CCNB3: variants seen among roughly 807,000 people sequenced by gnomAD.
CCNB3 encodes the protein G2/mitotic-specific cyclin-B3.
Under a neutral mutation model 68.0 loss-of-function variants are expected in CCNB3, and 12 were observed. That is an observed-to-expected ratio of 0.18 (90% CI 0.11 to 0.29). CCNB3 has a LOEUF of 0.29. Ranked by LOEUF, CCNB3 falls within the 10% of genes least tolerant of loss-of-function variation. The pLI, the probability that CCNB3 is intolerant of heterozygous loss-of-function variation, is 1.00. For synonymous variants in CCNB3, 354 were observed against 388.9 expected (o/e 0.91, Z 1.06); for missense variants, 904 against 993.1 (o/e 0.91, Z 1.21).
At chrX:50,226,329 A>AAT (rs1328211936) in intron 1 of CCNB3, among the ~76,000 whole-genome samples, 1 of 50,158 alleles carries the variant, frequency 2.0e-5, no homozygotes, top group African/African-American at 8.0e-5. Flanking sequence ...TATATATAGA[A>AAT]ATATATATAT....
At chrX:50,317,062 G>A (rs912381212) in intron 8 of CCNB3, among the ~76,000 whole-genome samples, 3 of 112,619 alleles carry the variant, frequency 2.7e-5, no homozygotes, top group African/African-American at 6.5e-5. Flanking sequence ...ATGCATGAGA[G>A]TTCTGGTTGC....
chrX:50,326,090 T>C (rs1405976049), intron 8 of CCNB3, among the ~76,000 whole-genome samples: 3 of 111,850 alleles, frequency 2.7e-5, no homozygotes, highest in Non-Finnish European at 5.6e-5. Context: ...CATATAAGTA[T>C]AGATCTATGA....
intron 1 of CCNB3, among the ~76,000 whole-genome samples, chrX:50,223,766 G>C (rs1935710791): frequency 8.9e-6 from 1 of 112,240 alleles, no homozygotes; most frequent in East Asian, 2.8e-4. Context: ...TGAGGAGGCA[G>C]TTTGTCCCTT....
chrX:50,310,678 C>T lies in CCNB3; in HGVS notation c.2509C>T (p.Pro837Ser). Residue 837 changes from proline (P) to serine (S), a missense_variant, in exon 6 of 13, where the codon CCC becomes TCC. Transcript: ENST00000376042. ...FKEPLALQEE[P>S]STEKEAVLKE... ...GGAACCTTTGGCCTTGCAGGAGGAGCCCAGCACTGAGAAGGAGGCTGTCCT... is the reference window on the plus strand; with the variant it reads ...GGAACCTTTGGCCTTGCAGGAGGAGTCCAGCACTGAGAAGGAGGCTGTCCT... The T allele has an allele frequency of 8.3e-7, 1 of 1,210,902 alleles. No individual in the cohort carries two copies.
intron 1 of CCNB3, among the ~76,000 whole-genome samples, chrX:50,217,347 C>T (rs1394763806): frequency 1.0e-5 from 1 of 97,860 alleles, no homozygotes; most frequent in African/African-American, 3.7e-5. Flanking sequence ...AATCTCGGCT[C>T]ACTGCAACCT....
At chrX:50,316,728 C>G (rs1216195931) in intron 8 of CCNB3, among the ~76,000 whole-genome samples, 1 of 112,224 alleles carries the variant, frequency 8.9e-6, no homozygotes, top group African/African-American at 3.2e-5. Context: ...AGACTGGCTT[C>G]TTTCATTCAG....
chrX:50,350,199 C>T (rs1426187747), intron 11 of CCNB3, among the ~76,000 whole-genome samples: 11 of 109,723 alleles, frequency 1.0e-4, no homozygotes, highest in Admixed American at 3.9e-4. Flanking sequence ...TGTTTGGATA[C>T]TTACTATGTT....
Position 50,227,196 on chromosome X carries a change from A to G in CCNB3, c.-113+22246A>G, listed in dbSNP as rs1445022244. Among the ~76,000 whole-genome samples the G allele has an allele frequency of 8.3e-3, 688 of 82,820 alleles. 13 individuals carry two copies. The highest frequency in any genetic ancestry group is 0.032 in the African/African-American group (666 of 21,068). The allele number at this position is 82,820 out of a possible 115,157, so 71.9% of individuals were successfully genotyped here. A position where few individuals can be genotyped will look rare whatever the true frequency, so the allele number is the denominator to read the frequency against. On this transcript the variant is annotated intron_variant, in intron 1 of 12. Coordinates refer to ENST00000376042, the MANE Select transcript of CCNB3 (RefSeq NM_033031.3). ...ATAGAATATAAGTATAAATATATAT[A>G]GAGAATATATATAAATATATACAGA...
At chrX:50,320,944 A>T (rs1322621324) in intron 8 of CCNB3, among the ~76,000 whole-genome samples, 1 of 111,704 alleles carries the variant, frequency 9.0e-6, no homozygotes, top group Non-Finnish European at 1.9e-5. Context: ...TATTTGCAGT[A>T]TGGTATTTCT....
At chrX:50,345,897 A>G (rs782171985) in intron 9 of CCNB3, among the ~76,000 whole-genome samples, 1 of 112,441 alleles carries the variant, frequency 8.9e-6, no homozygotes, top group African/African-American at 3.2e-5. Context: ...TCATCCAAAA[A>G]TAGGGGAAAG....
chrX:50,337,038 G>T (rs1922890252), intron 8 of CCNB3, among the ~76,000 whole-genome samples: 1 of 111,521 alleles, frequency 9.0e-6, no homozygotes, highest in Non-Finnish European at 1.9e-5. Context: ...GAGGTGAAAG[G>T]TTGATACACA....
chrX:50,309,768 A>C lies in CCNB3; in HGVS notation c.1599A>C (p.Leu533Phe). ...CCTTTAAAGAAGAAAAAGTGTCTTT[A>C]AAGAAAAAGTGTACCACACAAGAGA... ...PLPFKEEKVS[L>F]KKKCTTQEMM... Residue 533 changes from leucine to phenylalanine, a missense_variant, in exon 6 of 13, where the codon TTA (leucine) becomes TTC (phenylalanine). This residue lies in a region of CCNB3 where 619 missense variants were observed against 609.8 expected (regional missense o/e 1.02). Transcript: ENST00000376042. 8.3e-7 allele frequency: 1 copy of C among 1,210,840 alleles called. No homozygotes were observed.
intron 1 of CCNB3, among the ~76,000 whole-genome samples, chrX:50,279,326 A>T (rs1334245263): frequency 2.7e-5 from 2 of 75,379 alleles, no homozygotes; most frequent in Admixed American, 4.0e-4. Flanking sequence ...TATATATTTA[A>T]ATATATATGA....
intron 1 of CCNB3, among the ~76,000 whole-genome samples, chrX:50,281,878 T>A (rs1936142807): frequency 9.0e-6 from 1 of 111,028 alleles, no homozygotes; most frequent in South Asian, 3.9e-4. Flanking sequence ...TGGACACGTG[T>A]CCTCACTCTA....
chrX:50,351,686 C>T lies in CCNB3; in HGVS notation c.4171C>T (p.Gln1391Ter). The change falls in exon 13 of 13, where the codon CAG becomes TAG. Residue 1391 changes from glutamine (Q) to a stop codon, truncating the protein, a stop_gained. Coordinates refer to ENST00000376042, the MANE Select transcript of CCNB3 (RefSeq NM_033031.3). LOFTEE classifies it high-confidence loss of function. ...EEILNCDCEA[Q>*]GLVL ...GATTTTGAACTGTGATTGTGAGGCTCAGGGCCTGGTACTCTAGCAGCAGCC... is the reference window on the plus strand; with the variant it reads ...GATTTTGAACTGTGATTGTGAGGCTTAGGGCCTGGTACTCTAGCAGCAGCC... The T allele has an allele frequency of 8.3e-7, 1 of 1,209,098 alleles. No homozygotes were observed. The highest frequency in any genetic ancestry group is 1.1e-6 in the Non-Finnish European group (1 of 893,218).
intron 8 of CCNB3, among the ~76,000 whole-genome samples, chrX:50,315,526 T>A (rs1384559362): frequency 9.0e-6 from 1 of 111,670 alleles, no homozygotes; most frequent in Non-Finnish European, 1.9e-5. Context: ...CTGGCACAAC[T>A]ATAGTATAGT....
At chrX:50,211,451 G>A (rs1337467690) in intron 1 of CCNB3, among the ~76,000 whole-genome samples, 1 of 111,071 alleles carries the variant, frequency 9.0e-6, no homozygotes. Flanking sequence ...ATTGCTTGAG[G>A]ACAGGAGTTT....
intron 9 of CCNB3, among the ~76,000 whole-genome samples, chrX:50,344,579 G>A (rs1360954726): frequency 5.4e-5 from 6 of 111,220 alleles, no homozygotes; most frequent in African/African-American, 2.0e-4. Context: ...TCTTTTTACA[G>A]CTTCCTTCTG....
Position 50,351,782 on chromosome X carries a change from T to C in CCNB3, c.*79T>C, listed in dbSNP as rs925254949. On this transcript the variant is annotated 3_prime_UTR_variant, in exon 13 of 13. Coordinates refer to ENST00000376042, the MANE Select transcript of CCNB3 (RefSeq NM_033031.3). The stretch of plus-strand genomic sequence containing the variant: ...CGAATTTGTCTTTTGATCGCTTTTA[T>C]TCATTTTTCCTTTCTTTGTCTTTTC... 25 of 717,829 alleles carry C rather than the reference T, an allele frequency of 3.5e-5. No individual in the cohort carries two copies. The highest frequency in any genetic ancestry group is 6.7e-5 in the Admixed American group (2 of 29,929). 59.2% of individuals were successfully genotyped at this position (717,829 alleles called of 1,213,427 possible).
Sources: allele counts gnomAD v4.1 joint callset (sites outside exome capture counted in the v4.1 genomes callset), GRCh38; gene constraint gnomAD v4.1.1; regional missense constraint gnomAD v4.1.1; transcripts MANE v1.5; gene names NCBI Gene and HGNC (gene_info 2026-07-23, HGNC 2026-07-21).